Variants in DENND4A observed in about 807,000 individuals in gnomAD.
DENND4A encodes the protein C-myc promoter-binding protein.
A neutral mutation model predicts 199.3 loss-of-function variants in DENND4A; 70 were observed. The observed-to-expected ratio is 0.35, with a 90% CI of 0.29 to 0.43. The LOEUF is 0.43. DENND4A is among the 20% of genes least tolerant of loss of function. DENND4A has a pLI of 1.00. For synonymous variants in DENND4A, 686 were observed against 766.9 expected (o/e 0.89, Z 1.74); for missense variants, 1,723 against 2,255.8 (o/e 0.76, Z 4.78).
chr15:65,709,374 C>A (rs192950948), intron 14 of DENND4A, among the ~76,000 whole-genome samples: 1 of 152,230 alleles, frequency 6.6e-6, no homozygotes, highest in African/African-American at 2.4e-5. Flanking sequence ...ACCAGGGATA[C>A]AATTAACCTC....
intron 23 of DENND4A, among the ~76,000 whole-genome samples, chr15:65,684,861 G>C (rs1375798735): frequency 1.6e-5 from 1 of 63,230 alleles, no homozygotes; most frequent in African/African-American, 6.6e-5. Flanking sequence ...TTTTGCTCTT[G>C]TTGCTGAAGC....
At chr15:65,784,439 G>A (rs1459914204) in intron 1 of DENND4A, among the ~76,000 whole-genome samples, 3 of 148,224 alleles carry the variant, frequency 2.0e-5, no homozygotes, top group African/African-American at 7.7e-5. Context: ...GCAACATGAC[G>A]AGACCCCCAT....
chr15:65,697,370 A>G lies in DENND4A; in HGVS notation c.2847T>C (p.Asp949=). The G allele has an allele frequency of 6.2e-7, 1 of 1,600,566 alleles. No individual in the cohort carries two copies. Among genetic ancestry groups the G allele is most frequent in the Non-Finnish European group, 8.5e-7 (1 of 1,173,530 alleles). Residue 949 remains aspartate, a synonymous_variant, in exon 21 of 33, where the codon GAT becomes GAC. Coordinates refer to ENST00000443035, the MANE Select transcript of DENND4A (RefSeq NM_001320835.1). ...CTTTAGATAATGAATTATATCCAAG[A>G]TCAGACTGGCCACCTGGTAAAAACA... The part of the protein sequence containing the change: ...DDRSSTGGQS[D]LGYNSLSKDE...
intron 23 of DENND4A, among the ~76,000 whole-genome samples, chr15:65,684,609 C>A (rs984814468): frequency 6.6e-6 from 1 of 152,072 alleles, no homozygotes; most frequent in Admixed American, 6.6e-5. Context: ...GGATTCAAGT[C>A]CTTTACTAAA....
Position 65,707,007 on chromosome 15 carries a change from G to A in DENND4A, c.1954-783C>T, listed in dbSNP as rs576726576. Among the ~76,000 whole-genome samples the A allele has an allele frequency of 2.6e-5, 4 of 152,068 alleles. 1 individual carries two copies. The highest frequency in any genetic ancestry group is 4.2e-4 in the South Asian group (2 of 4,814). ...AAGAAATAATATTTTTTAAATCCAC[G>A]TACATGTGTGTCTGTGTGATAAGAA... On this transcript the variant is annotated intron_variant, in intron 14 of 32. Coordinates refer to ENST00000443035, the MANE Select transcript of DENND4A (RefSeq NM_001320835.1).
chr15:65,724,137 A>G (rs894128593), intron 11 of DENND4A, among the ~76,000 whole-genome samples: 3 of 151,678 alleles, frequency 2.0e-5, no homozygotes, highest in Admixed American at 1.3e-4. Flanking sequence ...GGCTCACTGC[A>G]GTCTTAACTC....
Position 65,737,856 on chromosome 15 carries a change from T to A in DENND4A, c.891A>T (p.Ala297=). ...KQRLLLGLTS[A]DGKSDSSKTI... is the part of the protein sequence containing the mutation. ...TTTTGGAACTATCAGACTTCCCATC[T>A]GCTGATGTTAAACCCAAAAGAAGTC... Residue 297 remains alanine (A), a synonymous_variant, in exon 7 of 33, where the codon GCA becomes GCT. Transcript: ENST00000443035. 6.2e-7 allele frequency: 1 copy of A among 1,605,148 alleles called. No homozygotes were observed. The highest frequency in any genetic ancestry group is 8.5e-7 in the Non-Finnish European group (1 of 1,175,334).
intron 23 of DENND4A, among the ~76,000 whole-genome samples, chr15:65,690,122 C>A (rs1336771818): frequency 6.6e-6 from 1 of 152,164 alleles, no homozygotes; most frequent in African/African-American, 2.4e-5. Context: ...GAAAAAAAAT[C>A]TGCATCTTGA....
intron 14 of DENND4A, among the ~76,000 whole-genome samples, chr15:65,711,832 TG>T (rs959486259): frequency 6.6e-6 from 1 of 152,188 alleles, no homozygotes; most frequent in Non-Finnish European, 1.5e-5. Flanking sequence ...TCGTTGTTGT[TG>T]GTTTTTGTTT....
At chr15:65,778,893 CAAAAA>C (rs375471173) in intron 1 of DENND4A, among the ~76,000 whole-genome samples, 3 of 107,388 alleles carry the variant, frequency 2.8e-5, no homozygotes, top group Admixed American at 2.1e-4. Flanking sequence ...GACTCCGCAT[CAAAAA>C]AAAAAAAAAA....
At chr15:65,715,445 A>T (rs951964669) in intron 14 of DENND4A, 33 bp downstream of exon 14, 1 of 1,563,944 alleles carries the variant, frequency 6.4e-7, no homozygotes, top group Non-Finnish European at 8.6e-7. Context: ...CACACAAAAT[A>T]AGTTAGGGCA....
chr15:65,665,206 CAA>C (rs2075995579), intron 30 of DENND4A, 137 bp downstream of exon 30: 1 of 596,284 alleles, frequency 1.7e-6, no homozygotes, highest in Non-Finnish European at 2.8e-6. Context: ...CACTCTCAAA[CAA>C]AAGAGTACGA....
At chr15:65,715,672 A>G (rs2075375296) in intron 13 of DENND4A, 49 bp from the exon 14 acceptor site, 1 of 1,473,776 alleles carries the variant, frequency 6.8e-7, no homozygotes, top group Non-Finnish European at 9.0e-7. Flanking sequence ...TCATTCATAG[A>G]TTCACAGAAT....
Position 65,679,418 on chromosome 15 carries a change from G to T in DENND4A, c.4180-2784C>A, listed in dbSNP as rs548403641. Among the ~76,000 whole-genome samples, 74 of 152,168 alleles carry T rather than the reference G, an allele frequency of 4.9e-4. 1 individual carries two copies. The South Asian group carries it at 0.015, about 30-fold the overall frequency. Reference sequence around the variant, plus strand: ...ACCTGGCCCGATCCTCACTTTAAAAGAAATAATTATAATATTTCAGTTAGG... The same window carrying T: ...ACCTGGCCCGATCCTCACTTTAAAATAAATAATTATAATATTTCAGTTAGG... On this transcript the variant is annotated intron_variant, in intron 23 of 32. Coordinates refer to ENST00000443035, the MANE Select transcript of DENND4A (RefSeq NM_001320835.1).
chr15:65,771,399 TA>T (rs1412401570), intron 1 of DENND4A: 1 of 1,584,212 alleles, frequency 6.3e-7, no homozygotes, highest in East Asian at 2.2e-5. Flanking sequence ...TATTCATTTT[TA>T]AAGTCCTTGC....
At chr15:65,719,528 G>A (rs1215366491) in intron 12 of DENND4A, among the ~76,000 whole-genome samples, 1 of 152,048 alleles carries the variant, frequency 6.6e-6, no homozygotes, top group Admixed American at 6.5e-5. Flanking sequence ...AAGCAAAATA[G>A]TGTGCGATCT....
intron 14 of DENND4A, among the ~76,000 whole-genome samples, chr15:65,713,110 T>G (rs566362355): frequency 6.9e-4 from 105 of 152,288 alleles, no homozygotes; most frequent in Admixed American, 2.7e-3. Flanking sequence ...TACTACATAC[T>G]CCTCAAACCA....
chr15:65,732,498 C>T (rs528863174), intron 8 of DENND4A, among the ~76,000 whole-genome samples: 1 of 152,058 alleles, frequency 6.6e-6, no homozygotes, highest in Non-Finnish European at 1.5e-5. Context: ...GAAAAAAGTT[C>T]CTTTCTGTGT....
chr15:65,729,307 A>G, intron 10 of DENND4A, 60 bp from the exon 11 acceptor site: 1 of 1,512,008 alleles, frequency 6.6e-7, no homozygotes, highest in Non-Finnish European at 9.0e-7. Context: ...ATAATTTATC[A>G]GCACACACAA....
Sources: allele counts gnomAD v4.1 joint callset (sites outside exome capture counted in the v4.1 genomes callset), GRCh38; gene constraint gnomAD v4.1.1; transcripts MANE v1.5; gene names NCBI Gene and HGNC (gene_info 2026-07-23, HGNC 2026-07-21).